The following SLC1A3 variants were observed in gnomAD, a reference collection of about 807,000 sequenced individuals.
SLC1A3 encodes solute carrier family 1 member 3, also known as excitatory amino acid transporter 1.
SLC1A3 carries 21 observed loss-of-function variants against 48.1 expected under a neutral mutation model. The ratio of observed to expected loss-of-function variants is 0.44; its 90% CI spans 0.31 to 0.63. SLC1A3 has a LOEUF of 0.63. Among genes scored for constraint, SLC1A3 ranks in the 20% least tolerant of loss-of-function variants. SLC1A3 has a pLI of 0.08. For missense variants in SLC1A3, 546 were observed against 689.0 expected, an observed-to-expected ratio of 0.79 and a Z score of 2.32; for synonymous variants, 239 against 251.4, an observed-to-expected ratio of 0.95 and a Z score of 0.47.
At chr5:36,675,586 T>C (rs1561281636) in intron 5 of SLC1A3, among the ~76,000 whole-genome samples, 1 of 152,034 alleles carries the variant, frequency 6.6e-6, no homozygotes, top group African/African-American at 2.4e-5. Flanking sequence ...GCAAACAGAG[T>C]CTAAGGGGAA....
chr5:36,632,963 G>T (rs1028877333), intron 3 of SLC1A3, among the ~76,000 whole-genome samples: 7 of 152,164 alleles, frequency 4.6e-5, no homozygotes, highest in African/African-American at 1.7e-4. Flanking sequence ...AAGCCTAATG[G>T]CTAGATTTGT....
intron 2 of SLC1A3, among the ~76,000 whole-genome samples, chr5:36,621,576 T>C (rs1271454252): frequency 2.0e-5 from 3 of 152,124 alleles, no homozygotes; most frequent in African/African-American, 7.2e-5. Context: ...ACTGCAATAG[T>C]CCAGCCAATA....
chr5:36,666,546 T>C (rs1192937238), intron 3 of SLC1A3: 1 of 152,220 alleles, frequency 6.6e-6, no homozygotes, highest in Non-Finnish European at 1.5e-5. Flanking sequence ...AGAAGACTAC[T>C]TCTCTAGATT....
chr5:36,651,803 CAG>C (rs1275852508), intron 3 of SLC1A3, among the ~76,000 whole-genome samples: 1 of 152,074 alleles, frequency 6.6e-6, no homozygotes, highest in Non-Finnish European at 1.5e-5. Context: ...TTCGAGATTC[CAG>C]AGAGTCTTAA....
intron 3 of SLC1A3, among the ~76,000 whole-genome samples, chr5:36,647,110 C>A (rs1387514177): frequency 2.0e-5 from 3 of 152,180 alleles, no homozygotes; most frequent in Non-Finnish European, 4.4e-5. Flanking sequence ...ATATAGGTCT[C>A]ATATGACACC....
At chr5:36,613,721 A>C (rs1336362970) in intron 2 of SLC1A3, among the ~76,000 whole-genome samples, 2 of 152,176 alleles carry the variant, frequency 1.3e-5, no homozygotes, top group African/African-American at 4.8e-5. Context: ...GGGGATCCTG[A>C]GTCCCCTGGT....
chr5:36,644,477 A>G (rs1445934577), intron 3 of SLC1A3, among the ~76,000 whole-genome samples: 1 of 152,264 alleles, frequency 6.6e-6, no homozygotes, highest in Non-Finnish European at 1.5e-5. Context: ...GAATAAAAAT[A>G]AAGTTAATTA....
intron 2 of SLC1A3, among the ~76,000 whole-genome samples, chr5:36,617,815 G>A (rs1394726113): frequency 1.3e-5 from 2 of 152,068 alleles, no homozygotes; most frequent in Non-Finnish European, 2.9e-5. Flanking sequence ...CACTTCGGTT[G>A]TTTCCAGTCT....
intron 4 of SLC1A3, among the ~76,000 whole-genome samples, chr5:36,673,824 A>G (rs1165499328): frequency 6.6e-6 from 1 of 152,208 alleles, no homozygotes; most frequent in African/African-American, 2.4e-5. Flanking sequence ...GGCTGACAAG[A>G]GGATAAATGA....
intron 1 of SLC1A3, among the ~76,000 whole-genome samples, chr5:36,599,705 G>A (rs1220505516): frequency 6.8e-6 from 1 of 146,908 alleles, no homozygotes; most frequent in Admixed American, 6.9e-5. Flanking sequence ...GACGGAGTTC[G>A]CCATGTTGGT....
chr5:36,651,949 G>T (rs1242423371), intron 3 of SLC1A3, among the ~76,000 whole-genome samples: 1 of 152,294 alleles, frequency 6.6e-6, no homozygotes, highest in Non-Finnish European at 1.5e-5. Flanking sequence ...GTATTACACT[G>T]CTTCCCTGAG....
chr5:36,684,047 C>T (rs1300944238), intron 9 of SLC1A3, 49 bp downstream of exon 9: 1 of 1,612,230 alleles, frequency 6.2e-7, no homozygotes, highest in South Asian at 1.1e-5. Context: ...GGGTCCCCCT[C>T]TGTCACTCTA....
At chr5:36,629,132 C>T (rs1740026010) in intron 2 of SLC1A3, among the ~76,000 whole-genome samples, 1 of 152,116 alleles carries the variant, frequency 6.6e-6, no homozygotes. Flanking sequence ...CCTAATTATG[C>T]CCCAATCTTT....
At chr5:36,679,117 G>A (rs370511679) in intron 6 of SLC1A3, among the ~76,000 whole-genome samples, 5 of 152,166 alleles carry the variant, frequency 3.3e-5, no homozygotes, top group African/African-American at 9.7e-5. Context: ...GTGTAGCATC[G>A]TGTGCCTCTT....
chr5:36,661,065 A>T (rs1741490647), intron 3 of SLC1A3, among the ~76,000 whole-genome samples: 1 of 152,206 alleles, frequency 6.6e-6, no homozygotes, highest in Admixed American at 6.5e-5. Flanking sequence ...TGTGGACCTG[A>T]ATTTTTTAAA....
intron 3 of SLC1A3, among the ~76,000 whole-genome samples, chr5:36,658,252 A>C (rs1741362592): frequency 2.0e-5 from 3 of 152,182 alleles, no homozygotes; most frequent in African/African-American, 7.2e-5. Context: ...CTTAAGAGCA[A>C]AGAGACAGAG....
intron 3 of SLC1A3, among the ~76,000 whole-genome samples, chr5:36,635,560 A>G (rs1414319753): frequency 6.6e-6 from 1 of 151,924 alleles, no homozygotes; most frequent in Non-Finnish European, 1.5e-5. Context: ...TTCCTACCTC[A>G]TTACTGGAAG....
chr5:36,610,395 A>G (rs1579942299), intron 2 of SLC1A3, among the ~76,000 whole-genome samples: 2 of 152,314 alleles, frequency 1.3e-5, no homozygotes, highest in African/African-American at 2.4e-5. Flanking sequence ...CATTTAACAC[A>G]TACTCATTTA....
chr5:36,623,588 G>A (rs546511689), intron 2 of SLC1A3, among the ~76,000 whole-genome samples: 6 of 151,726 alleles, frequency 4.0e-5, no homozygotes, highest in African/African-American at 1.5e-4. Context: ...GGGAGAGGTG[G>A]TTCACGCCTG....
Sources: gnomAD v4.1 joint callset for allele counts (sites outside exome capture counted in the v4.1 genomes callset) on GRCh38, gnomAD v4.1.1 for gene constraint, MANE v1.5 for transcripts, NCBI Gene and HGNC (gene_info 2026-07-23, HGNC 2026-07-21) for gene names.